Variants in B4GALNT2 observed in about 807,000 individuals in gnomAD.
B4GALNT2 encodes the protein N-acetylneuraminylgalactosylglucosyl-glucoside beta-1,4-N- acetylgalactosaminyltransferase 2.
A neutral mutation model predicts 51.1 loss-of-function variants in B4GALNT2; 42 were observed. The observed-to-expected ratio is 0.82, with a 90% CI of 0.64 to 1.06. B4GALNT2 has a LOEUF of 1.06. Ranked by LOEUF, B4GALNT2 falls within the 50% of genes least tolerant of loss-of-function variation. The pLI is 0.00. For synonymous variants in B4GALNT2, 253 were observed against 251.7 expected (o/e 1.01, Z -0.05); for missense variants, 602 against 633.6 (o/e 0.95, Z 0.54).
intron 3 of B4GALNT2, among the ~76,000 whole-genome samples, chr17:49,152,567 T>C (rs933036660): frequency 6.6e-6 from 1 of 152,144 alleles, no homozygotes; most frequent in Admixed American, 6.5e-5. Context: ...TCCCAGCTAC[T>C]AGGTAGGCTG....
At chr17:49,152,321 C>A (rs1034722996) in intron 3 of B4GALNT2, among the ~76,000 whole-genome samples, 1 of 152,082 alleles carries the variant, frequency 6.6e-6, no homozygotes, top group African/African-American at 2.4e-5. Context: ...AAGACTGCTG[C>A]GAGCCGTGAT....
chr17:49,156,488 C>T (rs1598210128), intron 4 of B4GALNT2, 78 bp from the exon 5 acceptor site: 2 of 1,492,978 alleles, frequency 1.3e-6, no homozygotes, highest in East Asian at 4.5e-5. Context: ...TGCAGGAGTC[C>T]ATGAGGTTGG....
At chr17:49,159,501 C>A (rs550819976) in intron 6 of B4GALNT2, among the ~76,000 whole-genome samples, 1 of 152,120 alleles carries the variant, frequency 6.6e-6, no homozygotes, top group South Asian at 2.1e-4. Flanking sequence ...GCCACCATGC[C>A]CGGCTAATTT....
At chr17:49,165,250 C>G (rs1297229532) in intron 8 of B4GALNT2, among the ~76,000 whole-genome samples, 2 of 151,256 alleles carry the variant, frequency 1.3e-5, no homozygotes, top group Non-Finnish European at 3.0e-5. Context: ...GGGTCTTGGT[C>G]TCTCTCTCCT....
intron 10 of B4GALNT2, among the ~76,000 whole-genome samples, 186 bp downstream of exon 10, chr17:49,169,086 G>A (rs929237081): frequency 3.6e-4 from 54 of 151,816 alleles, no homozygotes; most frequent in African/African-American, 9.9e-4. Flanking sequence ...CCCTCCTCAC[G>A]TCTCTTTGAC....
At chr17:49,159,928 T>C (rs1208306859) in intron 6 of B4GALNT2, among the ~76,000 whole-genome samples, 1 of 151,984 alleles carries the variant, frequency 6.6e-6, no homozygotes, top group African/African-American at 2.4e-5. Context: ...CTGGGAGAAC[T>C]CCCCATTCCA....
intron 4 of B4GALNT2, among the ~76,000 whole-genome samples, chr17:49,154,437 G>A (rs1414475339): frequency 6.6e-6 from 1 of 152,036 alleles, no homozygotes; most frequent in Non-Finnish European, 1.5e-5. Flanking sequence ...AGAAGGATGA[G>A]CCTGCAGGCA....
chr17:49,128,294 T>G (rs1012394975), upstream of B4GALNT2, among the ~76,000 whole-genome samples: 11 of 152,134 alleles, frequency 7.2e-5, no homozygotes, highest in Non-Finnish European at 1.6e-4. Context: ...ATGGAGCAGT[T>G]TTTGAACGGG....
intron 3 of B4GALNT2, among the ~76,000 whole-genome samples, chr17:49,149,504 G>A (rs981419699): frequency 1.2e-4 from 19 of 152,006 alleles, no homozygotes; most frequent in African/African-American, 4.6e-4. Flanking sequence ...AAAATTAGCT[G>A]GACATGGTGG....
Position 49,171,572 on chromosome 17 carries a change from A to G in B4GALNT2, c.*1844A>G. The G allele has an allele frequency of 2.4e-6, 1 of 422,420 alleles. No individual in the cohort carries two copies. The highest frequency in any genetic ancestry group is 4.6e-6 in the Non-Finnish European group (1 of 216,694). The allele number at this position is 422,420 out of a possible 1,614,324, so 26.2% of individuals were successfully genotyped here. On this transcript the variant is annotated 3_prime_UTR_variant, in exon 11 of 11. Transcript: ENST00000393354. ...CTTCTACAGTGGACCATATCATTTG[A>G]GGTTGAGGTGCCACTATACCGCCAC...
Position 49,133,012 on chromosome 17 carries a change from C to A in B4GALNT2, c.14+206C>A, listed in dbSNP as rs1266415337. On this transcript the variant is annotated intron_variant, in intron 1 of 10. Transcript: ENST00000393354. ...GGTGACGGCGCGTGCGGAACGAACT[C>A]TGCACCCCCAGGAATGGGGAGCGCT... The A allele has an allele frequency of 2.0e-6, 3 of 1,473,526 alleles. No homozygotes were observed. The African/African-American group carries it at 4.4e-5, about 22-fold the overall frequency. 91.3% of individuals were successfully genotyped at this position (1,473,526 alleles called of 1,614,324 possible). A position where few individuals can be genotyped will look rare whatever the true frequency, so the allele number is the denominator to read the frequency against.
At chr17:49,131,406 TA>T (rs2042537233), upstream of B4GALNT2, among the ~76,000 whole-genome samples, 1 of 142,776 alleles carries the variant, frequency 7.0e-6, no homozygotes. Context: ...ATCAAAGTTG[TA>T]GATCACGCTG....
chr17:49,160,463 T>C, intron 6 of B4GALNT2, 92 bp from the exon 7 acceptor site: 2 of 1,183,338 alleles, frequency 1.7e-6, no homozygotes, highest in Non-Finnish European at 2.5e-6. Flanking sequence ...CCACCAAACC[T>C]GTACTCGCCT....
the B4GALNT2 span, among the ~76,000 whole-genome samples, chr17:49,123,403 T>C: frequency 6.6e-6 from 1 of 152,240 alleles, no homozygotes; most frequent in Non-Finnish European, 1.5e-5. Context: ...TAATTTAAAC[T>C]GTAGAAAATA....
intron 3 of B4GALNT2, among the ~76,000 whole-genome samples, chr17:49,146,784 G>A (rs758066331): frequency 6.6e-6 from 1 of 152,206 alleles, no homozygotes; most frequent in Non-Finnish European, 1.5e-5. Context: ...CATCAGACTG[G>A]AAGGTTCATG....
At chr17:49,140,260 C>T (rs1449867787) in intron 1 of B4GALNT2, among the ~76,000 whole-genome samples, 1 of 151,904 alleles carries the variant, frequency 6.6e-6, no homozygotes, top group Admixed American at 6.6e-5. Context: ...GCCACAACAC[C>T]CGACTAATTT....
Position 49,169,726 on chromosome 17 carries a change from T to A in B4GALNT2, c.1519T>A (p.Ter507LysextTer26). The change falls in exon 11 of 11, where the codon TAA (stop) becomes AAA (lysine). Residue 507 changes from the stop codon to lysine (K), a stop_lost. Coordinates refer to ENST00000393354, the MANE Select transcript of B4GALNT2 (RefSeq NM_001159387.2). ...CAAGAACCATCTCCAATGTGCCGCA[T>A]AAAGGTGTGAGGGCATAGGAGAAAC... ...YFKNHLQCAA[*>K] is the part of the protein sequence containing the mutation. 6.4e-7 allele frequency: 1 copy of A among 1,571,126 alleles called. No individual in the cohort carries two copies. The highest frequency in any genetic ancestry group is 8.7e-7 in the Non-Finnish European group (1 of 1,155,864).
intron 3 of B4GALNT2, among the ~76,000 whole-genome samples, chr17:49,149,573 G>A (rs1049572514): frequency 1.3e-5 from 2 of 150,474 alleles, no homozygotes; most frequent in African/African-American, 4.9e-5. Context: ...CTTGAACCCG[G>A]GAGGTGGAGT....
intron 4 of B4GALNT2, among the ~76,000 whole-genome samples, chr17:49,155,777 G>A (rs1383943888): frequency 6.6e-6 from 1 of 151,682 alleles, no homozygotes. Context: ...AGGCTGGAGT[G>A]CAGTGTCGAG....
Sources: allele counts gnomAD v4.1 joint callset (sites outside exome capture counted in the v4.1 genomes callset), GRCh38; gene constraint gnomAD v4.1.1; transcripts MANE v1.5; gene names NCBI Gene and HGNC (gene_info 2026-07-23, HGNC 2026-07-21).